ICAM2: variants seen among roughly 807,000 people sequenced by gnomAD.
ICAM2 encodes ICAM-2.
ICAM2 carries 14 observed loss-of-function variants against 19.1 expected under a neutral mutation model. The observed-to-expected ratio is 0.73, with a 90% CI of 0.48 to 1.15. The LOEUF (loss-of-function observed/expected upper bound fraction) is 1.15. Ranked by LOEUF, ICAM2 falls within the 50% of genes most tolerant of loss-of-function variation. The pLI is 0.00. For missense variants in ICAM2, 311 were observed against 355.4 expected, an observed-to-expected ratio of 0.88 and a Z score of 1.00; for synonymous variants, 153 against 152.7, an observed-to-expected ratio of 1.00 and a Z score of -0.01.
Position 64,002,685 on chromosome 17 carries a change from C to G in ICAM2, c.*62G>C. 6.7e-7 allele frequency: 1 copy of G among 1,490,620 alleles called. No individual in the cohort carries two copies. Among genetic ancestry groups the G allele is most frequent in the Non-Finnish European group, 9.2e-7 (1 of 1,087,020 alleles). The allele number at this position is 1,490,620 out of a possible 1,614,324, so 92.3% of individuals were successfully genotyped here. A position where few individuals can be genotyped will look rare whatever the true frequency, so the allele number is the denominator to read the frequency against. ...TCCTTCAGCCAGGGCTGGACCTCAACCCTGAGGAGTCACACTGAGTTCCAG... is the reference window on the plus strand; with the variant it reads ...TCCTTCAGCCAGGGCTGGACCTCAAGCCTGAGGAGTCACACTGAGTTCCAG... On this transcript the variant is annotated 3_prime_UTR_variant, in exon 5 of 5. Transcript: ENST00000579788.
At chr17:64,005,990 A>G (rs1567846256) in intron 2 of ICAM2, 2 of 156,152 alleles carry the variant, frequency 1.3e-5, no homozygotes, top group Non-Finnish European at 2.8e-5. Flanking sequence ...TACTGTGCTC[A>G]ATGAAGGCCT....
In ICAM2 at chr17:64,006,667, G is replaced by T; in HGVS notation, c.25C>A (p.Leu9Met). 6.2e-7 allele frequency: 1 copy of T among 1,614,202 alleles called. No homozygotes were observed. The highest frequency in any genetic ancestry group is 8.5e-7 in the Non-Finnish European group (1 of 1,180,038). MSSFGYRTLTVALFTLICC... is the reference protein window; with the variant it reads MSSFGYRTMTVALFTLICC... ...ATCAGGGTGAAGAGGGCCACAGTCA[G>T]GGTCCTGTAACCGAAAGAGGACATC... The change falls in exon 2 of 5, where the codon CTG becomes ATG. Residue 9 changes from leucine to methionine, a missense_variant. Coordinates refer to ENST00000579788, the MANE Select transcript of ICAM2 (RefSeq NM_001099789.2).
intron 2 of ICAM2, chr17:64,006,022 G>A (rs1911185001): frequency 6.4e-6 from 1 of 155,322 alleles, no homozygotes; most frequent in African/African-American, 2.4e-5. Context: ...TGACTCTGTG[G>A]GCAAAGGCAT....
In ICAM2 at chr17:64,005,473, G is replaced by A. The variant is rs369084505; in HGVS notation, c.62-100C>T. 117 of 1,355,616 alleles carry A rather than the reference G, an allele frequency of 8.6e-5. 1 individual carries two copies. The East Asian group carries it at 2.2e-3, about 26-fold the overall frequency. The allele number at this position is 1,355,616 out of a possible 1,614,324, so 84.0% of individuals were successfully genotyped here. ...CAGTCTGGCTCCTGGGTCAGGGACT[G>A]AAGAGGAAAGGTCATTGGGGACCCC... On this transcript the variant is annotated intron_variant, in intron 2 of 4. Coordinates refer to ENST00000579788, the MANE Select transcript of ICAM2 (RefSeq NM_001099789.2).
chr17:64,015,752 A>G (rs1444083026), intron 1 of ICAM2, among the ~76,000 whole-genome samples: 1 of 152,224 alleles, frequency 6.6e-6, no homozygotes, highest in Non-Finnish European at 1.5e-5. Flanking sequence ...AGAAAAAAAT[A>G]AAAGAAAACA....
At chr17:64,009,873 T>A (rs767035529) in intron 1 of ICAM2, among the ~76,000 whole-genome samples, 5 of 152,206 alleles carry the variant, frequency 3.3e-5, no homozygotes, top group Non-Finnish European at 5.9e-5. Context: ...GTGAAAGTAC[T>A]CATGCAGGCT....
intron 3 of ICAM2, 148 bp downstream of exon 3, chr17:64,004,959 G>C (rs1424542727): frequency 2.2e-6 from 2 of 889,134 alleles, no homozygotes; most frequent in East Asian, 5.3e-5. Flanking sequence ...GGCTGGCCTG[G>C]TCCTGCCCCT....
At chr17:64,019,531 G>T (rs1911857316) in intron 1 of ICAM2, among the ~76,000 whole-genome samples, 1 of 151,954 alleles carries the variant, frequency 6.6e-6, no homozygotes, top group Non-Finnish European at 1.5e-5. Flanking sequence ...GTGGACAAGT[G>T]GTGGCCAGGT....
intron 1 of ICAM2, among the ~76,000 whole-genome samples, chr17:64,015,600 C>T (rs1008742919): frequency 3.8e-4 from 58 of 152,048 alleles, no homozygotes; most frequent in African/African-American, 1.2e-3. Context: ...ACTAGCCAGG[C>T]GTGGTGGTGC....
chr17:64,015,319 T>C (rs978889866), intron 1 of ICAM2, among the ~76,000 whole-genome samples: 1 of 152,198 alleles, frequency 6.6e-6, no homozygotes, highest in Non-Finnish European at 1.5e-5. Flanking sequence ...AAAAAAGTTA[T>C]GCTACAACAT....
intron 4 of ICAM2, chr17:64,003,292 G>A (rs1413899659): frequency 7.1e-6 from 3 of 424,912 alleles, no homozygotes; most frequent in Non-Finnish European, 1.3e-5. Flanking sequence ...CAGGCTCCCT[G>A]TGTGCCGGCC....
intron 1 of ICAM2, among the ~76,000 whole-genome samples, chr17:64,014,364 A>AAAGAAAGG (rs1911579757): frequency 1.7e-5 from 1 of 58,724 alleles, no homozygotes; most frequent in African/African-American, 5.6e-5. Flanking sequence ...AGAAAGAAAG[A>AAAGAAAGG]AAGAAAGAAA....
chr17:64,012,584 A>T (rs147472148), intron 1 of ICAM2, among the ~76,000 whole-genome samples: 32 of 152,276 alleles, frequency 2.1e-4, no homozygotes, highest in African/African-American at 7.7e-4. Flanking sequence ...TGGGTAACAC[A>T]GCAAAATTCT....
At chr17:64,020,185 T>C (rs1450356346) in intron 1 of ICAM2, among the ~76,000 whole-genome samples, 7 of 151,058 alleles carry the variant, frequency 4.6e-5, no homozygotes, top group South Asian at 2.1e-4. Context: ...ATGGTCCAGA[T>C]CACAGCCCAC....
At chr17:64,005,407 TC>T (rs745398912) in intron 2 of ICAM2, 34 bp from the exon 3 acceptor site, 1 of 1,597,920 alleles carries the variant, frequency 6.3e-7, no homozygotes, top group East Asian at 2.2e-5. Context: ...AGTCGTGTCA[TC>T]CCCCCACCCC....
chr17:64,016,811 C>G (rs898690017), intron 1 of ICAM2, among the ~76,000 whole-genome samples: 2 of 152,226 alleles, frequency 1.3e-5, no homozygotes, highest in Admixed American at 6.5e-5. Flanking sequence ...GCTCCAGCCT[C>G]TGCTTTGGAA....
chr17:64,012,533 G>A (rs1911497468), intron 1 of ICAM2, among the ~76,000 whole-genome samples: 1 of 152,176 alleles, frequency 6.6e-6, no homozygotes, highest in Non-Finnish European at 1.5e-5. Flanking sequence ...CCGGGAGGTG[G>A]AGGTTGCTGT....
chr17:64,015,115 T>C (rs1390438627), intron 1 of ICAM2, among the ~76,000 whole-genome samples: 1 of 152,088 alleles, frequency 6.6e-6, no homozygotes, highest in Non-Finnish European at 1.5e-5. Flanking sequence ...CCAGGGGCTG[T>C]GGGAGAGGGG....
intron 1 of ICAM2, among the ~76,000 whole-genome samples, chr17:64,008,789 G>A (rs529430214): frequency 1.3e-5 from 2 of 152,338 alleles, no homozygotes; most frequent in East Asian, 3.9e-4. Context: ...GGGACTGTGG[G>A]AAGGTGGGGT....
Sources: allele counts gnomAD v4.1 joint callset (sites outside exome capture counted in the v4.1 genomes callset), GRCh38; gene constraint gnomAD v4.1.1; transcripts MANE v1.5; gene names NCBI Gene and HGNC (gene_info 2026-07-23, HGNC 2026-07-21).